Variants in OPN3 observed in about 807,000 individuals in gnomAD.
OPN3 encodes the protein opsin 3.
Under a neutral mutation model 33.8 loss-of-function variants are expected in OPN3, and 29 were observed. That is an observed-to-expected ratio of 0.86 (90% CI 0.64 to 1.17). The LOEUF is 1.17. OPN3 is among the 50% of genes most tolerant of loss of function. The probability of loss-of-function intolerance (pLI) is 0.00; values close to 1 mark genes in which losing one functional copy is unlikely to be tolerated. For missense variants in OPN3, 437 were observed against 514.1 expected, an observed-to-expected ratio of 0.85 and a Z score of 1.45; for synonymous variants, 216 against 216.1, an observed-to-expected ratio of 1.00 and a Z score of 0.00.
chr1:241,630,369 A>G (rs1664582998), intron 1 of OPN3: 1 of 152,068 alleles, frequency 6.6e-6, no homozygotes, highest in Non-Finnish European at 1.5e-5. Flanking sequence ...CTATGTAGTT[A>G]TATAACTTTC....
At chr1:241,615,959 A>G (rs1361814605) in intron 1 of OPN3, 5 of 456,588 alleles carry the variant, frequency 1.1e-5, no homozygotes, top group African/African-American at 4.0e-5. Flanking sequence ...GGACATTAAC[A>G]TCTCATGGAG....
chr1:241,638,159 G>A (rs1299252593), intron 1 of OPN3, among the ~76,000 whole-genome samples: 1 of 152,188 alleles, frequency 6.6e-6, no homozygotes, highest in African/African-American at 2.4e-5. Flanking sequence ...CAGGGAGAAA[G>A]TCATGGTTGA....
intron 2 of OPN3, among the ~76,000 whole-genome samples, chr1:241,601,557 T>C (rs547589060): frequency 6.6e-6 from 1 of 151,970 alleles, no homozygotes; most frequent in Non-Finnish European, 1.5e-5. Flanking sequence ...ATTTTAAAAA[T>C]TAGCCAGGCA....
intron 1 of OPN3, chr1:241,629,569 A>C (rs1157225254): frequency 6.6e-6 from 1 of 152,118 alleles, no homozygotes; most frequent in East Asian, 1.9e-4. Flanking sequence ...GCTTCTTTTA[A>C]ATTCCATCTT....
intron 1 of OPN3, among the ~76,000 whole-genome samples, chr1:241,615,476 C>T (rs1398646055): frequency 1.3e-5 from 2 of 152,060 alleles, no homozygotes; most frequent in African/African-American, 2.4e-5. Flanking sequence ...TTAGTTTTCC[C>T]ATTCCTCTAT....
intron 1 of OPN3, chr1:241,635,524 A>T: frequency 6.2e-7 from 1 of 1,613,934 alleles, no homozygotes; most frequent in East Asian, 2.2e-5. Flanking sequence ...CTTCTGTTTC[A>T]TGGATCAGGT....
chr1:241,594,930 T>C (rs2147992937), intron 3 of OPN3: 2 of 451,970 alleles, frequency 4.4e-6, no homozygotes, highest in Middle Eastern at 5.7e-4. Context: ...CTTGTAATCC[T>C]CCAAGCTTCA....
intron 1 of OPN3, chr1:241,634,666 G>A (rs752563809): frequency 1.4e-5 from 23 of 1,613,864 alleles, no homozygotes; most frequent in South Asian, 1.3e-4. Context: ...CAAACCGTCC[G>A]AGACACTGAA....
At chr1:241,598,867 A>G (rs993331184) in intron 2 of OPN3, among the ~76,000 whole-genome samples, 1 of 152,302 alleles carries the variant, frequency 6.6e-6, no homozygotes, top group African/African-American at 2.4e-5. Context: ...ACAAAAATAC[A>G]AATACTCTAT....
intron 1 of OPN3, among the ~76,000 whole-genome samples, chr1:241,638,086 T>C (rs1408551386): frequency 1.3e-5 from 2 of 152,210 alleles, no homozygotes; most frequent in Admixed American, 6.5e-5. Flanking sequence ...CACTACTAAC[T>C]TGCCCCCCAG....
intron 1 of OPN3, chr1:241,631,465 T>TA (rs1240610508): frequency 6.6e-6 from 1 of 152,084 alleles, no homozygotes; most frequent in African/African-American, 2.4e-5. Context: ...GTTGTTCTGT[T>TA]AGATTTAAAC....
intron 1 of OPN3, among the ~76,000 whole-genome samples, chr1:241,610,044 A>G (rs1028533630): frequency 6.6e-6 from 1 of 152,230 alleles, no homozygotes; most frequent in Non-Finnish European, 1.5e-5. Context: ...TAATATAAAC[A>G]TTTCAAAATT....
intron 1 of OPN3, among the ~76,000 whole-genome samples, chr1:241,616,386 A>C (rs919522233): frequency 3.3e-5 from 5 of 152,146 alleles, no homozygotes; most frequent in Admixed American, 3.3e-4. Context: ...TGCACTACCT[A>C]GTCAACCTTC....
At chr1:241,623,115 A>G (rs1428801379) in intron 1 of OPN3, among the ~76,000 whole-genome samples, 2 of 152,214 alleles carry the variant, frequency 1.3e-5, no homozygotes, top group Non-Finnish European at 2.9e-5. Context: ...AAACAAACAA[A>G]AAAAACTCTT....
chr1:241,602,657 T>TAGAGAG (rs958974438), intron 2 of OPN3, among the ~76,000 whole-genome samples: 1 of 149,628 alleles, frequency 6.7e-6, no homozygotes, highest in African/African-American at 2.5e-5. Flanking sequence ...GAGATAGAGA[T>TAGAGAG]AGAGAGAGAG....
chr1:241,596,586 C>G (rs2147994760), intron 3 of OPN3, among the ~76,000 whole-genome samples: 1 of 152,310 alleles, frequency 6.6e-6, no homozygotes, highest in East Asian at 1.9e-4. Context: ...AAGGTTATTA[C>G]AAAAGTGCCC....
chr1:241,633,395 G>C (rs878962109), intron 1 of OPN3: 4 of 175,084 alleles, frequency 2.3e-5, no homozygotes, highest in Admixed American at 2.2e-4. Flanking sequence ...CGCAGCAACT[G>C]TAACAGCTGC....
chr1:241,615,725 C>G (rs890480338), intron 1 of OPN3: 1 of 405,848 alleles, frequency 2.5e-6, no homozygotes, highest in Non-Finnish European at 5.1e-6. Flanking sequence ...CATCCCAGAT[C>G]TCCGTGACTC....
intron 1 of OPN3, among the ~76,000 whole-genome samples, chr1:241,607,543 AGAAGGAAG>A (rs56339199): frequency 3.4e-5 from 5 of 147,062 alleles, no homozygotes; most frequent in Admixed American, 2.1e-4. Context: ...ACAGAGAGCA[AGAAGGAAG>A]GAAGGAAGGA....
Sources: allele counts gnomAD v4.1 joint callset (sites outside exome capture counted in the v4.1 genomes callset), GRCh38; gene constraint gnomAD v4.1.1; transcripts MANE v1.5; gene names NCBI Gene and HGNC (gene_info 2026-07-23, HGNC 2026-07-21).